HTR1E: variants seen among roughly 807,000 people sequenced by gnomAD.
HTR1E encodes 5-hydroxytryptamine receptor 1E, also known as 5-HT-1E.
Under a neutral mutation model 3.4 loss-of-function variants are expected in HTR1E, and 3 were observed. The observed-to-expected ratio is 0.89, with a 90% CI of 0.41 to 2.31. HTR1E has a LOEUF of 2.31. Ranked by LOEUF, HTR1E falls within the 30% of genes most tolerant of loss-of-function variation. The pLI is 0.05. For missense variants in HTR1E, 392 were observed against 467.0 expected (o/e 0.84, Z 1.48); for synonymous variants, 170 against 182.8 (o/e 0.93, Z 0.56).
At chr6:86,972,438 T>C (rs930276546) in intron 1 of HTR1E, among the ~76,000 whole-genome samples, 1 of 152,208 alleles carries the variant, frequency 6.6e-6, no homozygotes, top group Non-Finnish European at 1.5e-5. Context: ...TTACAACTGG[T>C]GGTTGTACAC....
At position 86,996,496 on chromosome 6, in the gene HTR1E, A is replaced by C. The variant is rs936640518; in HGVS notation, c.-185-18654A>C. On this transcript the variant is annotated intron_variant, in intron 1 of 1. Transcript: ENST00000305344. ...TGACATAGAAAAATAAAAGATTGTT[A>C]TTTTGTTATCAAATTATTGATATCA... Among the ~76,000 whole-genome samples, 11 of 149,310 alleles carry C rather than the reference A, an allele frequency of 7.4e-5. No homozygotes were observed. The Admixed American group carries it at 7.4e-4, about 10-fold the overall frequency.
At chr6:86,984,230 T>A (rs1767751971) in intron 1 of HTR1E, among the ~76,000 whole-genome samples, 1 of 152,212 alleles carries the variant, frequency 6.6e-6, no homozygotes, top group African/African-American at 2.4e-5. Context: ...TCATTATATT[T>A]CATATATTTC....
intron 1 of HTR1E, among the ~76,000 whole-genome samples, chr6:86,984,764 A>G (rs58126861): frequency 0.16 from 23,984 of 152,152 alleles, 2,497 homozygotes; most frequent in African/African-American, 0.28. Context: ...GCATTTTGCC[A>G]GTGGAAGAAG....
intron 1 of HTR1E, among the ~76,000 whole-genome samples, chr6:86,955,049 G>T (rs548219724): frequency 3.9e-5 from 6 of 152,104 alleles, no homozygotes; most frequent in Non-Finnish European, 8.8e-5. Flanking sequence ...CAGTTCTTAT[G>T]ACTTTACCAC....
intron 1 of HTR1E, among the ~76,000 whole-genome samples, chr6:86,965,564 G>T (rs1767461336): frequency 6.6e-6 from 1 of 152,096 alleles, no homozygotes; most frequent in African/African-American, 2.4e-5. Flanking sequence ...TGCAGTCAGG[G>T]CTGAAGACCA....
chr6:87,005,574 T>A (rs929865722), intron 1 of HTR1E, among the ~76,000 whole-genome samples: 2 of 152,156 alleles, frequency 1.3e-5, no homozygotes, highest in African/African-American at 4.8e-5. Context: ...TGTATCACCA[T>A]ATACAAAAGT....
chr6:86,962,391 T>C (rs1767421564), intron 1 of HTR1E, among the ~76,000 whole-genome samples: 1 of 152,230 alleles, frequency 6.6e-6, no homozygotes, highest in African/African-American at 2.4e-5. Context: ...AATAATGTTT[T>C]GGTCAACAAC....
chr6:86,944,311 T>C (rs550910181), intron 1 of HTR1E, among the ~76,000 whole-genome samples: 1 of 152,280 alleles, frequency 6.6e-6, no homozygotes, highest in Non-Finnish European at 1.5e-5. Flanking sequence ...GAGGAATACC[T>C]ACAGGAACCA....
intron 1 of HTR1E, among the ~76,000 whole-genome samples, chr6:86,947,368 T>C (rs532067027): frequency 6.6e-6 from 1 of 152,338 alleles, no homozygotes; most frequent in African/African-American, 2.4e-5. Context: ...TCTTGTGTTA[T>C]CTACATTTCT....
chr6:86,945,776 C>G (rs1396386295), intron 1 of HTR1E, among the ~76,000 whole-genome samples: 1 of 151,646 alleles, frequency 6.6e-6, no homozygotes, highest in Non-Finnish European at 1.5e-5. Flanking sequence ...TTCTTGCCTC[C>G]CAGACTGGAG....
chr6:87,009,146 G>T (rs985929474), intron 1 of HTR1E, among the ~76,000 whole-genome samples: 4 of 150,718 alleles, frequency 2.7e-5, no homozygotes, highest in Middle Eastern at 3.2e-3. Flanking sequence ...ATAGTGGAGG[G>T]AAGGTCAGCA....
At chr6:86,944,890 A>C (rs1768593513) in intron 1 of HTR1E, among the ~76,000 whole-genome samples, 1 of 152,220 alleles carries the variant, frequency 6.6e-6, no homozygotes, top group Admixed American at 6.5e-5. Flanking sequence ...CTGTGCTGCC[A>C]GTTGTATAAA....
Position 87,016,265 on chromosome 6 carries a change from G to T in HTR1E, c.931G>T (p.Glu311Ter), listed in dbSNP as rs746274462. Reference protein sequence around the residue: ...ILSWLPFFIKELIVGLSIYTV... With the variant: ...ILSWLPFFIK ...ATCCTGGCTGCCATTTTTCATCAAA[G>T]AGTTGATTGTGGGTCTGAGCATCTA... The change falls in exon 2 of 2, where the codon GAG (glutamate) becomes TAG (stop). Residue 311 changes from glutamate (E) to a stop codon, truncating the protein, a stop_gained. Transcript: ENST00000305344. LOFTEE classifies it high-confidence loss of function. The T allele has an allele frequency of 1.2e-6, 2 of 1,613,642 alleles. No individual in the cohort carries two copies. Among genetic ancestry groups the T allele is most frequent in the Non-Finnish European group, 1.7e-6 (2 of 1,179,828 alleles).
At chr6:86,943,719 C>T (rs955938386) in intron 1 of HTR1E, among the ~76,000 whole-genome samples, 4 of 125,468 alleles carry the variant, frequency 3.2e-5, no homozygotes, top group South Asian at 2.7e-4. Context: ...ATCTCTAAAC[C>T]TCAGTTTCCT....
Position 87,015,428 on chromosome 6 carries a change from A to G in HTR1E, c.94A>G (p.Ile32Val), listed in dbSNP as rs373660655. The G allele has an allele frequency of 1.9e-6, 3 of 1,613,886 alleles. No individual in the cohort carries two copies. In the African/African-American group the frequency reaches 4.0e-5, roughly 22 times the overall value. ...KMLICMTLVVITTLTTLLNLA... is the reference protein window; with the variant it reads ...KMLICMTLVVVTTLTTLLNLA... ...GCTCATTTGCATGACTCTGGTGGTC[A>G]TCACCACCCTCACCACGTTGCTGAA... is the stretch of plus-strand genomic sequence containing the variant. The change falls in exon 2 of 2, where the codon ATC (isoleucine) becomes GTC (valine). Residue 32 changes from isoleucine to valine, a missense_variant. Ile to Val is a conservative substitution (Grantham distance 29). Coordinates refer to ENST00000305344, the MANE Select transcript of HTR1E (RefSeq NM_000865.3).
intron 1 of HTR1E, among the ~76,000 whole-genome samples, chr6:86,995,953 A>C (rs1767934896): frequency 6.6e-6 from 1 of 152,114 alleles, no homozygotes; most frequent in Non-Finnish European, 1.5e-5. Context: ...TCATAAACAA[A>C]ATAGCACCTG....
At chr6:86,968,029 G>T (rs551035362) in intron 1 of HTR1E, among the ~76,000 whole-genome samples, 2 of 152,264 alleles carry the variant, frequency 1.3e-5, no homozygotes, top group East Asian at 3.9e-4. Flanking sequence ...TATCAATCGA[G>T]ATAATAAATG....
At chr6:87,009,948 G>A (rs1582284832) in intron 1 of HTR1E, among the ~76,000 whole-genome samples, 10 of 126,190 alleles carry the variant, frequency 7.9e-5, no homozygotes, top group East Asian at 2.8e-4. Context: ...TCACTTCCCA[G>A]TAGGGGCGGC....
In HTR1E at chr6:86,999,344, A is replaced by G. The variant is rs185930299; in HGVS notation, c.-185-15806A>G. 1.3e-3 allele frequency among the ~76,000 whole-genome samples: 193 copies of G among 152,302 alleles called. 1 individual carries two copies. The highest frequency in any genetic ancestry group is 4.5e-3 in the African/African-American group (188 of 41,556). On this transcript the variant is annotated intron_variant, in intron 1 of 1. Coordinates refer to ENST00000305344, the MANE Select transcript of HTR1E (RefSeq NM_000865.3). ...AACTATACAGATATCCTCTAACAAT[A>G]CAAAAAAATTAAAAATGAGGTTAAA...
Sources: gnomAD v4.1 joint callset for allele counts (sites outside exome capture counted in the v4.1 genomes callset) on GRCh38, gnomAD v4.1.1 for gene constraint, MANE v1.5 for transcripts, NCBI Gene and HGNC (gene_info 2026-07-23, HGNC 2026-07-21) for gene names.